CHRNA7: variants seen among roughly 807,000 people sequenced by gnomAD.
The protein encoded by CHRNA7 is cholinergic receptor nicotinic alpha 7 subunit.
A neutral mutation model predicts 48.0 loss-of-function variants in CHRNA7; 17 were observed. That is an observed-to-expected ratio of 0.35 (90% CI 0.24 to 0.53). The LOEUF (loss-of-function observed/expected upper bound fraction) is 0.53, where lower values mean the gene tolerates loss of function less well. Ranked by LOEUF, CHRNA7 falls within the 20% of genes least tolerant of loss-of-function variation. The pLI is 0.92. For missense variants in CHRNA7, 155 were observed against 577.7 expected (o/e 0.27, Z 7.50); for synonymous variants, 75 against 242.3 (o/e 0.31, Z 6.41).
At chr15:32,032,761 T>C (rs1331511877) in intron 2 of CHRNA7, among the ~76,000 whole-genome samples, 1 of 151,904 alleles carries the variant, frequency 6.6e-6, no homozygotes, top group African/African-American at 2.4e-5. Context: ...AGCCCCTCAG[T>C]AGAGGAACAG....
intron 2 of CHRNA7, among the ~76,000 whole-genome samples, chr15:32,068,836 A>G (rs1037561082): frequency 2.6e-5 from 4 of 152,198 alleles, no homozygotes; most frequent in African/African-American, 4.8e-5. Flanking sequence ...TGACGTATCA[A>G]TGGGGCCCTC....
Position 32,168,259 on chromosome 15 carries a change from TGGA to T in CHRNA7, c.1316_1318del (p.Glu439del), listed in dbSNP as rs1291343905. On this transcript the variant is annotated inframe_deletion, in exon 10 of 10. Coordinates refer to ENST00000306901, the MANE Select transcript of CHRNA7 (RefSeq NM_000746.6). Reference sequence around the variant, plus strand: ...GGGGACCCGGACTTGGCCAAGATCCTGGAGGAGGTCCGCTACATTGCCAACCGC... The same window carrying T: ...GGGGACCCGGACTTGGCCAAGATCCTGGAGGTCCGCTACATTGCCAACCGC... 3.3e-6 allele frequency: 5 copies of T among 1,493,166 alleles called. No individual in the cohort carries two copies. The highest frequency in any genetic ancestry group is 1.8e-6 in the Non-Finnish European group (2 of 1,113,046). 92.5% of individuals were successfully genotyped at this position (1,493,166 alleles called of 1,614,324 possible).
intron 4 of CHRNA7, among the ~76,000 whole-genome samples, chr15:32,136,045 C>T (rs967159268): frequency 3.9e-5 from 6 of 152,100 alleles, no homozygotes; most frequent in African/African-American, 1.2e-4. Flanking sequence ...AGGAGTTTAC[C>T]GTGCAGGGGC....
chr15:32,044,321 A>G (rs1009442304), intron 2 of CHRNA7, among the ~76,000 whole-genome samples: 1 of 141,350 alleles, frequency 7.1e-6, no homozygotes, highest in Non-Finnish European at 1.6e-5. Flanking sequence ...TGTGTTGCCC[A>G]GGTTGGAGTG....
intron 2 of CHRNA7, among the ~76,000 whole-genome samples, chr15:32,073,994 A>C: frequency 6.7e-6 from 1 of 150,238 alleles, no homozygotes; most frequent in African/African-American, 2.5e-5. Context: ...TCCTGTTCCC[A>C]TTTTCTCCCT....
At chr15:32,107,755 C>A (rs570427417) in intron 3 of CHRNA7, among the ~76,000 whole-genome samples, 126 of 152,228 alleles carry the variant, frequency 8.3e-4, no homozygotes, top group Non-Finnish European at 5.9e-4. Flanking sequence ...TGTTTATAAC[C>A]CCGTCTCGAG....
chr15:32,123,200 A>T (rs2051003670), intron 4 of CHRNA7, among the ~76,000 whole-genome samples: 1 of 152,234 alleles, frequency 6.6e-6, no homozygotes, highest in Non-Finnish European at 1.5e-5. Context: ...TTTTGTTGGC[A>T]GGGGACTAAG....
intron 2 of CHRNA7, among the ~76,000 whole-genome samples, chr15:32,068,579 T>G (rs1039134857): frequency 6.6e-6 from 1 of 151,874 alleles, no homozygotes; most frequent in Admixed American, 6.6e-5. Flanking sequence ...TTACTACATC[T>G]CTACATGGTG....
chr15:32,113,290 A>G (rs1020854139), intron 4 of CHRNA7, among the ~76,000 whole-genome samples: 1 of 152,032 alleles, frequency 6.6e-6, no homozygotes, highest in Non-Finnish European at 1.5e-5. Context: ...CTCTTCCTGT[A>G]AGCACTGCAG....
At chr15:32,078,401 G>C (rs150385565) in intron 2 of CHRNA7, among the ~76,000 whole-genome samples, 1 of 152,098 alleles carries the variant, frequency 6.6e-6, no homozygotes, top group Non-Finnish European at 1.5e-5. Context: ...TGTGAAGGAT[G>C]TAAGGTTGTA....
At chr15:32,082,258 G>T (rs1176145730) in intron 2 of CHRNA7, among the ~76,000 whole-genome samples, 1 of 151,978 alleles carries the variant, frequency 6.6e-6, no homozygotes, top group Non-Finnish European at 1.5e-5. Context: ...TATCAAATTT[G>T]TGAAGTGTTG....
intron 2 of CHRNA7, among the ~76,000 whole-genome samples, chr15:32,061,397 C>T (rs992471071): frequency 6.6e-6 from 1 of 152,122 alleles, no homozygotes; most frequent in African/African-American, 2.4e-5. Flanking sequence ...AGATCCCTTC[C>T]CATCAGAATT....
chr15:32,146,431 G>A (rs2051490339), intron 4 of CHRNA7, among the ~76,000 whole-genome samples: 2 of 152,094 alleles, frequency 1.3e-5, no homozygotes, highest in Admixed American at 1.3e-4. Context: ...AGTAATACAA[G>A]TAAAATAATA....
intron 4 of CHRNA7, among the ~76,000 whole-genome samples, chr15:32,121,543 A>C (rs973148700): frequency 6.6e-6 from 1 of 152,194 alleles, no homozygotes; most frequent in East Asian, 1.9e-4. Flanking sequence ...CACAAAGTGC[A>C]TCTTGCAGAG....
intron 1 of CHRNA7, 70 bp downstream of exon 1, chr15:32,030,719 G>A: frequency 1.3e-6 from 2 of 1,536,752 alleles, no homozygotes; most frequent in African/African-American, 1.4e-5. Context: ...GCCTCTGTGC[G>A]CCCCGCGCCT....
At chr15:32,047,931 T>C (rs1246231001) in intron 2 of CHRNA7, among the ~76,000 whole-genome samples, 1 of 152,208 alleles carries the variant, frequency 6.6e-6, no homozygotes, top group African/African-American at 2.4e-5. Context: ...GAGATAATCA[T>C]GTGGTTTTTG....
At chr15:32,050,248 C>G (rs1299619755) in intron 2 of CHRNA7, among the ~76,000 whole-genome samples, 1 of 152,196 alleles carries the variant, frequency 6.6e-6, no homozygotes, top group Non-Finnish European at 1.5e-5. Context: ...TGTTTTCCAA[C>G]TTGGTTCCAT....
intron 2 of CHRNA7, among the ~76,000 whole-genome samples, chr15:32,049,760 G>A (rs2141185262): frequency 6.6e-6 from 1 of 152,282 alleles, no homozygotes; most frequent in East Asian, 1.9e-4. Context: ...TTTACATTTT[G>A]GCATGATTTT....
At chr15:32,051,063 G>T (rs1041266409) in intron 2 of CHRNA7, among the ~76,000 whole-genome samples, 2 of 151,944 alleles carry the variant, frequency 1.3e-5, no homozygotes, top group Non-Finnish European at 2.9e-5. Flanking sequence ...CCTACTTGGG[G>T]GTGCCTCCCA....
Sources: allele counts gnomAD v4.1 joint callset (sites outside exome capture counted in the v4.1 genomes callset), GRCh38; gene constraint gnomAD v4.1.1; transcripts MANE v1.5; gene names NCBI Gene and HGNC (gene_info 2026-07-23, HGNC 2026-07-21).